The following SLC1A5 variants were observed in gnomAD, a reference collection of about 807,000 sequenced individuals.
SLC1A5 encodes neutral amino acid transporter B(0).
A neutral mutation model predicts 34.9 loss-of-function variants in SLC1A5; 25 were observed. The observed-to-expected ratio is 0.72, with a 90% CI of 0.52 to 1.00. The LOEUF (loss-of-function observed/expected upper bound fraction) is 1.00. SLC1A5 is among the 50% of genes least tolerant of loss of function. The pLI is 0.00. For missense variants in SLC1A5, 637 were observed against 740.0 expected (o/e 0.86, Z 1.61); for synonymous variants, 351 against 341.2 (o/e 1.03, Z -0.32).
intron 1 of SLC1A5, chr19:46,785,013 A>T: frequency 3.0e-6 from 1 of 337,516 alleles, no homozygotes. Flanking sequence ...GGACGGCTTC[A>T]TATCTCATGA....
chr19:46,779,490 A>G (rs1183255745), intron 4 of SLC1A5, among the ~76,000 whole-genome samples: 2 of 151,200 alleles, frequency 1.3e-5, no homozygotes, highest in African/African-American at 4.9e-5. Context: ...CCAGATTTGG[A>G]CTTCACATGG....
At chr19:46,780,061 C>G (rs1599731210) in intron 4 of SLC1A5, among the ~76,000 whole-genome samples, 1 of 152,194 alleles carries the variant, frequency 6.6e-6, no homozygotes. Context: ...TCTGTGTTAG[C>G]CAGGATGGTC....
chr19:46,775,477 C>A lies in SLC1A5; in HGVS notation c.*33G>T, dbSNP rs1337066298. 1.9e-6 allele frequency: 3 copies of A among 1,575,696 alleles called. No individual in the cohort carries two copies. In the East Asian group the frequency reaches 6.7e-5, roughly 35 times the overall value. On this transcript the variant is annotated 3_prime_UTR_variant, in exon 8 of 8. Transcript: ENST00000542575. ...TCATAATCCAGTGTCCAAAGAGCAC[C>A]CCCAGCAGGGCAGGGAAGGTCCCTC... is the stretch of plus-strand genomic sequence containing the variant.
intron 7 of SLC1A5, chr19:46,776,768 A>T (rs943108450): frequency 3.5e-6 from 2 of 565,748 alleles, no homozygotes. Flanking sequence ...TTCACCACAC[A>T]GACGCTCTAC....
Position 46,788,118 on chromosome 19 carries a change from T to A in SLC1A5, c.-153A>T, listed in dbSNP as rs1439241320. 3.0e-6 allele frequency: 2 copies of A among 668,216 alleles called. No homozygotes were observed. Among genetic ancestry groups the A allele is most frequent in the East Asian group, 3.1e-5 (1 of 32,348 alleles). 41.4% of individuals were successfully genotyped at this position (668,216 alleles called of 1,614,324 possible). A position where few individuals can be genotyped will look rare whatever the true frequency, so the allele number is the denominator to read the frequency against. ...CCTTAGAGTTGTGAGTTCACAGCAC[T>A]GAAGTTCCTTGGCTCTTGGAAGCTG... is the stretch of plus-strand genomic sequence containing the variant. On this transcript the variant is annotated 5_prime_UTR_variant, in exon 1 of 8. Coordinates refer to ENST00000542575, the MANE Select transcript of SLC1A5 (RefSeq NM_005628.3).
intron 4 of SLC1A5, 34 bp downstream of exon 4, chr19:46,782,349 C>CCCCCCCCCCCCCCCCACA: frequency 1.7e-6 from 1 of 592,808 alleles, no homozygotes; most frequent in Non-Finnish European, 3.0e-6. Context: ...CCCTCCAACC[C>CCCCCCCCCCCCCCCCACA]CACCCACCCC....
At chr19:46,776,593 G>C (rs141656534) in intron 7 of SLC1A5, 366 of 189,520 alleles carry the variant, frequency 1.9e-3, no homozygotes, top group African/African-American at 7.9e-3. Flanking sequence ...GCTGCTCTAA[G>C]GGAGGTGTGT....
Position 46,774,907 on chromosome 19 carries a change from T to C in SLC1A5, c.*603A>G. On this transcript the variant is annotated 3_prime_UTR_variant, in exon 8 of 8. Coordinates refer to ENST00000542575, the MANE Select transcript of SLC1A5 (RefSeq NM_005628.3). ...ATTAAATAGTTGACACTCAATTTTA[T>C]TGCTAAAAAAAATGTCCTCTGGAGT... 1 of 985,886 alleles carries C rather than the reference T, an allele frequency of 1.0e-6. No individual in the cohort carries two copies. Among genetic ancestry groups the C allele is most frequent in the Non-Finnish European group, 1.2e-6 (1 of 830,000 alleles). 61.1% of individuals were successfully genotyped at this position (985,886 alleles called of 1,614,324 possible). A position where few individuals can be genotyped will look rare whatever the true frequency, so the allele number is the denominator to read the frequency against.
chr19:46,787,530 C>T lies in SLC1A5; in HGVS notation c.436G>A (p.Gly146Arg). ...LVTTLLASALGVGLALALQPG... is the reference protein window; with the variant it reads ...LVTTLLASALRVGLALALQPG... ...TGCAGAGCCAGCGCCAAGCCCACTC[C>T]GAGCGCCGACGCCAGCAGCGTGGTG... is the stretch of plus-strand genomic sequence containing the variant. The change falls in exon 1 of 8, where the codon GGA (glycine) becomes AGA (arginine). Residue 146 changes from glycine (G) to arginine (R), a missense_variant. Physicochemically the swap from Gly to Arg is moderately radical, Grantham distance 125 (BLOSUM62 -2). Transcript: ENST00000542575. The surrounding 1 kb of genome is among the most constrained non-coding windows in gnomAD (Gnocchi z 5.2). 2 of 1,574,546 alleles carry T rather than the reference C, an allele frequency of 1.3e-6. No homozygotes were observed. The highest frequency in any genetic ancestry group is 1.7e-6 in the Non-Finnish European group (2 of 1,161,126).
At chr19:46,777,600 C>T (rs948460590) in intron 5 of SLC1A5, among the ~76,000 whole-genome samples, 195 bp from the exon 6 acceptor site, 1 of 150,282 alleles carries the variant, frequency 6.7e-6, no homozygotes. Context: ...GTCTGACCTG[C>T]ACCACCCACC....
At position 46,775,586 on chromosome 19, in the gene SLC1A5, C is replaced by T. The variant is rs2055080380; in HGVS notation, c.1550G>A (p.Gly517Glu). The T allele has an allele frequency of 7.4e-6, 12 of 1,614,118 alleles. No individual in the cohort carries two copies. Among genetic ancestry groups the T allele is most frequent in the Non-Finnish European group, 9.3e-6 (11 of 1,180,018 alleles). The change falls in exon 8 of 8, where the codon GGA becomes GAA. Residue 517 changes from glycine to glutamate, a missense_variant. Transcript: ENST00000542575. ...CCGATAGTGTTTGAGGAGGGGGTTTCCTTCCTCAGTGGGGACTGGCAGCGG... is the reference window on the plus strand; with the variant it reads ...CCGATAGTGTTTGAGGAGGGGGTTTTCTTCCTCAGTGGGGACTGGCAGCGG... ...LDPLPVPTEE[G>E]NPLLKHYRGP...
chr19:46,787,947 G>C lies in SLC1A5; in HGVS notation c.19C>G (p.Arg7Gly). 1 of 1,568,402 alleles carries C rather than the reference G, an allele frequency of 6.4e-7. No homozygotes were observed. Among genetic ancestry groups the C allele is most frequent in the Non-Finnish European group, 8.6e-7 (1 of 1,159,784 alleles). Residue 7 changes from arginine to glycine, a missense_variant, in exon 1 of 8, where the codon CGA becomes GGA. Coordinates refer to ENST00000542575, the MANE Select transcript of SLC1A5 (RefSeq NM_005628.3). This position sits in a 1 kb window ranked among gnomAD's most constrained non-coding sequence, Gnocchi z 5.2. Reference sequence around the variant, plus strand: ...GCCGCTGCGAGCCCCTTGGAGTCTCGAGGAGGATCGGCCACCATGATGGGA... The same window carrying C: ...GCCGCTGCGAGCCCCTTGGAGTCTCCAGGAGGATCGGCCACCATGATGGGA... MVADPPRDSKGLAAAEP... is the reference protein window; with the variant it reads MVADPPGDSKGLAAAEP...
chr19:46,782,346 A>ACCACC, intron 4 of SLC1A5, 37 bp downstream of exon 4: 1 of 567,986 alleles, frequency 1.8e-6, no homozygotes, highest in East Asian at 3.6e-5. Flanking sequence ...CGACCCTCCA[A>ACCACC]CCCCACCCAC....
intron 7 of SLC1A5, 94 bp downstream of exon 7, chr19:46,776,881 C>T: frequency 7.5e-7 from 1 of 1,338,470 alleles, no homozygotes; most frequent in South Asian, 1.4e-5. Context: ...TCTTCTCTTC[C>T]TCTTCTGTCC....
Position 46,787,433 on chromosome 19 carries a change from T to C in SLC1A5, c.533A>G (p.Lys178Arg), listed in dbSNP as rs1435476621. 2.5e-6 allele frequency: 4 copies of C among 1,602,402 alleles called. No individual in the cohort carries two copies. The highest frequency in any genetic ancestry group is 3.4e-6 in the Non-Finnish European group (4 of 1,175,428). The stretch of plus-strand genomic sequence containing the variant: ...ATCCAGGAACGAATCGAGCACCTCC[T>C]TGCTGGGGGCATTTTCGGCACTGCC... The part of the protein sequence containing the change: ...AAGSAENAPS[K>R]EVLDSFLDLA... Residue 178 changes from lysine (K) to arginine (R), a missense_variant, in exon 1 of 8, where the codon AAG becomes AGG. Transcript: ENST00000542575. The surrounding 1 kb of genome is among the most constrained non-coding windows in gnomAD (Gnocchi z 5.2).
Position 46,778,837 on chromosome 19 carries a change from A to G in SLC1A5, c.896T>C (p.Phe299Ser), listed in dbSNP as rs775974292. ...IVEMEDVGLLFARLGKYILCC... is the reference protein window; with the variant it reads ...IVEMEDVGLLSARLGKYILCC... ...CAGAATGTACTTGCCAAGGCGGGCA[A>G]AGAGTAAACCCACATCCTCCATCTC... Residue 299 changes from phenylalanine (F) to serine (S), a missense_variant, in exon 5 of 8, where the codon TTT becomes TCT. By Grantham distance (155) the Phe-to-Ser change is radical (BLOSUM62 -2). Transcript: ENST00000542575. The G allele has an allele frequency of 3.4e-5, 55 of 1,609,992 alleles. No homozygotes were observed. The South Asian group carries it at 5.4e-4, about 16-fold the overall frequency.
Position 46,775,655 on chromosome 19 carries a change from G to A in SLC1A5, c.1481C>T (p.Thr494Ile), listed in dbSNP as rs1433894834. Residue 494 changes from threonine to isoleucine, a missense_variant, in exon 8 of 8, where the codon ACA (threonine) becomes ATA (isoleucine). By Grantham distance (89) the Thr-to-Ile change is moderately conservative. Transcript: ENST00000542575. ...NYVDRTESRS[T>I]EPELIQVKSE... Reference sequence around the variant, plus strand: ...CTTCACTTGTATCAACTCAGGCTCTGTGCTTCTCGACTCCGTACGGTCCAC... The same window carrying A: ...CTTCACTTGTATCAACTCAGGCTCTATGCTTCTCGACTCCGTACGGTCCAC... The A allele has an allele frequency of 1.9e-6, 3 of 1,614,016 alleles. No individual in the cohort carries two copies. The highest frequency in any genetic ancestry group is 1.7e-5 in the Admixed American group (1 of 59,974).
chr19:46,775,879 C>G lies in SLC1A5; in HGVS notation c.1389-132G>C, dbSNP rs563581143. 3 of 917,996 alleles carry G rather than the reference C, an allele frequency of 3.3e-6. No individual in the cohort carries two copies. The East Asian group carries it at 8.8e-5, about 27-fold the overall frequency. The allele number at this position is 917,996 out of a possible 1,614,324, so 56.9% of individuals were successfully genotyped here. On this transcript the variant is annotated intron_variant, in intron 7 of 7. Transcript: ENST00000542575. Reference sequence around the variant, plus strand: ...AGTAAAAATTAAGAGTTGGAGTCAGCCTGGGCAACATAGTGAGATCCCATC... The same window carrying G: ...AGTAAAAATTAAGAGTTGGAGTCAGGCTGGGCAACATAGTGAGATCCCATC...
At chr19:46,779,424 CAAAAAAAAAAAA>C (rs761721702) in intron 4 of SLC1A5, among the ~76,000 whole-genome samples, 2 of 64,556 alleles carry the variant, frequency 3.1e-5, no homozygotes, top group African/African-American at 5.2e-5. Context: ...AACTCCATCT[CAAAAAAAAAAAA>C]AAAAAAAAAG....
Sources: gnomAD v4.1 joint callset for allele counts (sites outside exome capture counted in the v4.1 genomes callset) on GRCh38, gnomAD v4.1.1 for gene constraint, Gnocchi (gnomAD v3.1) non-coding constraint, MANE v1.5 for transcripts, NCBI Gene and HGNC (gene_info 2026-07-23, HGNC 2026-07-21) for gene names.